Variants in VCPIP1 observed in about 807,000 individuals in gnomAD.
VCPIP1 encodes valosin containing protein interacting protein 1.
A neutral mutation model predicts 85.0 loss-of-function variants in VCPIP1; 8 were observed. The ratio of observed to expected loss-of-function variants is 0.09; its 90% CI spans 0.06 to 0.17. The LOEUF (loss-of-function observed/expected upper bound fraction) is 0.17, where lower values mean the gene tolerates loss of function less well. Among genes scored for constraint, VCPIP1 ranks in the 10% least tolerant of loss-of-function variants. The probability of loss-of-function intolerance (pLI) is 1.00; values close to 1 mark genes in which losing one functional copy is unlikely to be tolerated. For synonymous variants in VCPIP1, 543 were observed against 544.5 expected (o/e 1.00, Z 0.04); for missense variants, 1,070 against 1,486.3 (o/e 0.72, Z 4.61).
chr8:66,647,846 A>G (rs974612139), intron 2 of VCPIP1, among the ~76,000 whole-genome samples: 1 of 152,194 alleles, frequency 6.6e-6, no homozygotes, highest in Non-Finnish European at 1.5e-5. Flanking sequence ...AAACCTAAAT[A>G]TAAAACCTAA....
chr8:66,660,985 G>A (rs1205664731), intron 1 of VCPIP1, among the ~76,000 whole-genome samples: 1 of 152,032 alleles, frequency 6.6e-6, no homozygotes, highest in Non-Finnish European at 1.5e-5. Flanking sequence ...AGAGGTTGCA[G>A]TGAGCCGAGA....
At chr8:66,648,318 T>C (rs1191557493) in intron 2 of VCPIP1, among the ~76,000 whole-genome samples, 1 of 152,354 alleles carries the variant, frequency 6.6e-6, no homozygotes, top group South Asian at 2.1e-4. Context: ...AGTATTCAAC[T>C]CTGCCACTGT....
chr8:66,659,136 G>A (rs1811128963), intron 1 of VCPIP1, among the ~76,000 whole-genome samples: 1 of 151,352 alleles, frequency 6.6e-6, no homozygotes, highest in Non-Finnish European at 1.5e-5. Context: ...ATTTATGGTG[G>A]ATAATGTACC....
At position 66,648,195 on chromosome 8, in the gene VCPIP1, C is replaced by T. The variant is rs138463654; in HGVS notation, c.2797+3263G>A. Among the ~76,000 whole-genome samples, 644 of 152,134 alleles carry T rather than the reference C, an allele frequency of 4.2e-3. 4 individuals are homozygous for T. Among genetic ancestry groups the T allele is most frequent in the African/African-American group, 0.015 (605 of 41,500 alleles). On this transcript the variant is annotated intron_variant, in intron 2 of 2. Coordinates refer to ENST00000310421, the MANE Select transcript of VCPIP1 (RefSeq NM_025054.5). ...AGTTATTCAAAGTGTTTTTAAAAAA[C>T]GAAGGAATAAACTAACACATGCAAC... is the stretch of plus-strand genomic sequence containing the variant.
At chr8:66,658,455 A>G (rs1007256541) in intron 1 of VCPIP1, among the ~76,000 whole-genome samples, 2 of 151,806 alleles carry the variant, frequency 1.3e-5, no homozygotes, top group Non-Finnish European at 2.9e-5. Context: ...CACCTAAAAA[A>G]TAAGTGTCTC....
intron 2 of VCPIP1, among the ~76,000 whole-genome samples, chr8:66,646,651 C>G (rs1177525027): frequency 2.0e-5 from 3 of 151,966 alleles, no homozygotes; most frequent in African/African-American, 7.2e-5. Context: ...CAAAAATTAG[C>G]CAGGTGTGGT....
chr8:66,644,618 C>T (rs760082440), intron 2 of VCPIP1, among the ~76,000 whole-genome samples: 1 of 152,104 alleles, frequency 6.6e-6, no homozygotes, highest in Non-Finnish European at 1.5e-5. Context: ...GAAATAATGT[C>T]TACTCTCACC....
At chr8:66,637,623 TCAAATTTTAAGA>T (rs1810901694) in intron 2 of VCPIP1, among the ~76,000 whole-genome samples, 1 of 150,928 alleles carries the variant, frequency 6.6e-6, no homozygotes, top group East Asian at 2.0e-4. Context: ...AAATTTTAAT[TCAAATTTTAAGA>T]AGCAAGGCAC....
Position 66,664,165 on chromosome 8 carries a change from TTTC to T in VCPIP1, c.2710+81_2710+83del, listed in dbSNP as rs1210727448. 13 of 1,405,102 alleles carry T rather than the reference TTTC, an allele frequency of 9.3e-6. No homozygotes were observed. In the Admixed American group the frequency reaches 2.4e-4, roughly 25 times the overall value. The allele number at this position is 1,405,102 out of a possible 1,614,324, so 87.0% of individuals were successfully genotyped here. Reference sequence around the variant, plus strand: ...ATTAAAAACTTACAATGGCTACAGATTTCTTTTCCCCCAAAGATAACAGGAAAA... The same window carrying T: ...ATTAAAAACTTACAATGGCTACAGATTTTTCCCCCAAAGATAACAGGAAAA... On this transcript the variant is annotated intron_variant, in intron 1 of 2. Coordinates refer to ENST00000310421, the MANE Select transcript of VCPIP1 (RefSeq NM_025054.5).
In VCPIP1 at chr8:66,664,481, T is replaced by C; in HGVS notation, c.2478A>G (p.Leu826=). 6.2e-7 allele frequency: 1 copy of C among 1,614,136 alleles called. No individual in the cohort carries two copies. ...TTTCCATTCCTGCCTGTGGTGGCAT[T>C]AACTCTTTAGGAGGAAACCCGTATC... The part of the protein sequence containing the change: ...CIRYGFPPKE[L]MPPQAGMEKE... Residue 826 remains leucine (L), a synonymous_variant, in exon 1 of 3, where the codon TTA becomes TTG. Coordinates refer to ENST00000310421, the MANE Select transcript of VCPIP1 (RefSeq NM_025054.5).
intron 2 of VCPIP1, among the ~76,000 whole-genome samples, chr8:66,638,966 C>CTATATATATATATATA (rs1352372228): frequency 5.3e-5 from 7 of 130,956 alleles, no homozygotes; most frequent in African/African-American, 2.4e-4. Flanking sequence ...CTCTCTCTCT[C>CTATATATATATATATA]TCTCTATATA....
chr8:66,644,100 A>C (rs1352059631), intron 2 of VCPIP1, among the ~76,000 whole-genome samples: 12 of 152,178 alleles, frequency 7.9e-5, no homozygotes, highest in African/African-American at 2.7e-4. Flanking sequence ...ACTCTATTAA[A>C]GAAATTAAAT....
chr8:66,635,091 C>T lies in VCPIP1; in HGVS notation c.3079G>A (p.Gly1027Arg). ...GCAGTTCCTAAAGAATGCCCTTTTCCCTGAAAGGCAGTTACGTTATGAAGT... is the reference window on the plus strand; with the variant it reads ...GCAGTTCCTAAAGAATGCCCTTTTCTCTGAAAGGCAGTTACGTTATGAAGT... Reference protein sequence around the residue: ...EQLHNVTAFQGKGHSLGTASG... With the variant: ...EQLHNVTAFQRKGHSLGTASG... The change falls in exon 3 of 3, where the codon GGA becomes AGA. Residue 1027 changes from glycine (G) to arginine (R), a missense_variant. This residue lies in a region of VCPIP1 where 255 missense variants were observed against 289.5 expected (regional missense o/e 0.88). Transcript: ENST00000310421. 1 of 1,614,156 alleles carries T rather than the reference C, an allele frequency of 6.2e-7. No individual in the cohort carries two copies. Among genetic ancestry groups the T allele is most frequent in the Non-Finnish European group, 8.5e-7 (1 of 1,180,038 alleles).
rs1811054387 is a variant in VCPIP1, at chr8:66,651,561, G to T, written c.2711-17C>A. On this transcript the variant is annotated splice_polypyrimidine_tract_variant and intron_variant, in intron 1 of 2. Transcript: ENST00000310421. ...CATCTTCTCCTGTAAGACAAAAACAGATATAGTATTAGCAACAAACAAAAG... is the reference window on the plus strand; with the variant it reads ...CATCTTCTCCTGTAAGACAAAAACATATATAGTATTAGCAACAAACAAAAG... 2 of 1,601,078 alleles carry T rather than the reference G, an allele frequency of 1.2e-6. No homozygotes were observed. The highest frequency in any genetic ancestry group is 1.7e-6 in the Non-Finnish European group (2 of 1,171,658).
chr8:66,665,463 T>C lies in VCPIP1; in HGVS notation c.1496A>G (p.His499Arg). The change falls in exon 1 of 3, where the codon CAT becomes CGT. Residue 499 changes from histidine to arginine, a missense_variant. Transcript: ENST00000310421. The surrounding 1 kb of genome is among the most constrained non-coding windows in gnomAD (Gnocchi z 4.3). Reference protein sequence around the residue: ...GKLYNLAKSTHGQLRTDKNYS... With the variant: ...GKLYNLAKSTRGQLRTDKNYS... ...ATTTTTGTCAGTCCTCAGCTGTCCA[T>C]GAGTACTTTTTGCCAGGTTATACAA... 6.2e-7 allele frequency: 1 copy of C among 1,614,242 alleles called. No homozygotes were observed. Among genetic ancestry groups the C allele is most frequent in the Non-Finnish European group, 8.5e-7 (1 of 1,180,042 alleles).
intron 2 of VCPIP1, among the ~76,000 whole-genome samples, chr8:66,642,138 ATG>A (rs1394872963): frequency 6.6e-6 from 1 of 152,188 alleles, no homozygotes; most frequent in Non-Finnish European, 1.5e-5. Context: ...GCTAGTGAGT[ATG>A]AAGTATTATA....
chr8:66,663,483 A>G (rs1159611155), intron 1 of VCPIP1, among the ~76,000 whole-genome samples: 2 of 152,250 alleles, frequency 1.3e-5, no homozygotes, highest in Non-Finnish European at 2.9e-5. Context: ...CTAAGCAAAT[A>G]TAGACACTGT....
rs771412126 is a variant in VCPIP1 at position 66,666,907 on chromosome 8, G to T, written c.52C>A (p.Pro18Thr). ...PPPLPPPPPP[P>T]EAPQTPSSLA... ...GACGACGGAGTCTGTGGAGCCTCAG[G>T]GGGAGGAGGTGGCGGCGGCAACGGA... Residue 18 changes from proline (P) to threonine (T), a missense_variant, in exon 1 of 3, where the codon CCT becomes ACT. Pro to Thr is a conservative substitution (Grantham distance 38). This residue lies in a region of VCPIP1 where 164 missense variants were observed against 158.6 expected (regional missense o/e 1.03). Transcript: ENST00000310421. This position sits in a 1 kb window ranked among gnomAD's most constrained non-coding sequence, Gnocchi z 6.3. 5 of 1,595,274 alleles carry T rather than the reference G, an allele frequency of 3.1e-6. No homozygotes were observed. The highest frequency in any genetic ancestry group is 2.7e-5 in the African/African-American group (2 of 73,450).
In VCPIP1 at chr8:66,633,343, T is replaced by C. The variant is rs1810852258; in HGVS notation, c.*1158A>G. The stretch of plus-strand genomic sequence containing the variant: ...ATGGGTTGAAATGTACACTTCAGGA[T>C]ACAGATTTGCAGAATAAAATAAAAT... On this transcript the variant is annotated 3_prime_UTR_variant, in exon 3 of 3. Coordinates refer to ENST00000310421, the MANE Select transcript of VCPIP1 (RefSeq NM_025054.5). 2 of 152,518 alleles carry C rather than the reference T, an allele frequency of 1.3e-5. No homozygotes were observed. Among genetic ancestry groups the C allele is most frequent in the African/African-American group, 2.4e-5 (1 of 41,418 alleles). 9.4% of individuals were successfully genotyped at this position (152,518 alleles called of 1,614,324 possible). A position where few individuals can be genotyped will look rare whatever the true frequency, so the allele number is the denominator to read the frequency against.
Sources: gnomAD v4.1 joint callset for allele counts (sites outside exome capture counted in the v4.1 genomes callset) on GRCh38, gnomAD v4.1.1 for gene constraint, gnomAD v4.1.1 regional missense constraint, Gnocchi (gnomAD v3.1) non-coding constraint, MANE v1.5 for transcripts, NCBI Gene and HGNC (gene_info 2026-07-23, HGNC 2026-07-21) for gene names.